SPHKAP: variants seen among roughly 807,000 people sequenced by gnomAD.
SPHKAP encodes the protein A-kinase anchor protein SPHKAP.
A neutral mutation model predicts 137.5 loss-of-function variants in SPHKAP; 67 were observed. The ratio of observed to expected loss-of-function variants is 0.49; its 90% CI spans 0.40 to 0.60. The LOEUF (loss-of-function observed/expected upper bound fraction) is 0.60, where lower values mean the gene tolerates loss of function less well. SPHKAP is among the 20% of genes least tolerant of loss of function. SPHKAP has a pLI of 0.00. For missense variants in SPHKAP, 2,097 were observed against 2,069.3 expected, an observed-to-expected ratio of 1.01 and a Z score of -0.26; for synonymous variants, 813 against 785.3, an observed-to-expected ratio of 1.04 and a Z score of -0.59.
At chr2:228,162,843 C>T (rs1432982407) in intron 1 of SPHKAP, among the ~76,000 whole-genome samples, 1 of 151,986 alleles carries the variant, frequency 6.6e-6, no homozygotes, top group Admixed American at 6.6e-5. Context: ...GGATTACAGG[C>T]ATGTGCCACC....
At chr2:228,027,738 C>T (rs187969979) in intron 3 of SPHKAP, among the ~76,000 whole-genome samples, 195 bp from the exon 4 acceptor site, 5 of 152,020 alleles carry the variant, frequency 3.3e-5, no homozygotes, top group East Asian at 1.9e-4. Context: ...GAGGCCAAGG[C>T]GGGCAGATCA....
intron 3 of SPHKAP, among the ~76,000 whole-genome samples, chr2:228,080,782 T>C (rs570081142): frequency 5.2e-5 from 6 of 114,650 alleles, no homozygotes; most frequent in South Asian, 3.0e-4. Context: ...TAAAATAAAA[T>C]AAAACCAAAC....
chr2:228,015,211 A>G (rs1694531269), intron 7 of SPHKAP, among the ~76,000 whole-genome samples: 1 of 151,728 alleles, frequency 6.6e-6, no homozygotes, highest in South Asian at 2.1e-4. Context: ...GAGAATGATG[A>G]TTTCCAATTT....
chr2:228,163,607 G>A (rs1463342302), intron 1 of SPHKAP, among the ~76,000 whole-genome samples: 1 of 152,102 alleles, frequency 6.6e-6, no homozygotes, highest in African/African-American at 2.4e-5. Flanking sequence ...GGTCAACATG[G>A]GTGTTTGCAG....
intron 2 of SPHKAP, among the ~76,000 whole-genome samples, chr2:228,115,118 C>T (rs1227038107): frequency 6.6e-6 from 1 of 152,070 alleles, no homozygotes; most frequent in Non-Finnish European, 1.5e-5. Flanking sequence ...ATAAGTATTC[C>T]TTATAGTTTG....
chr2:228,071,438 T>C (rs1697002598), intron 3 of SPHKAP, among the ~76,000 whole-genome samples: 1 of 152,256 alleles, frequency 6.6e-6, no homozygotes, highest in Non-Finnish European at 1.5e-5. Flanking sequence ...GCCAAGCCTC[T>C]GTCCCAAATT....
At chr2:228,072,231 T>TG (rs1240787920) in intron 3 of SPHKAP, among the ~76,000 whole-genome samples, 1 of 152,186 alleles carries the variant, frequency 6.6e-6, no homozygotes, top group African/African-American at 2.4e-5. Flanking sequence ...CTGGCTTTCC[T>TG]GGGTCTACAG....
Position 228,018,959 on chromosome 2 carries a change from G to A in SPHKAP, c.1895C>T (p.Thr632Ile). The stretch of plus-strand genomic sequence containing the variant: ...CAGAAAGTCTCCAATGCTGCTGTAG[G>A]TATTAGGCCTTGTTAAAACCAGAGC... ...EAALVLTRPN[T>I]YSSIGDFLDS... The change falls in exon 7 of 12, where the codon ACC (threonine) becomes ATC (isoleucine). Residue 632 changes from threonine to isoleucine, a missense_variant. By Grantham distance (89) the Thr-to-Ile change is moderately conservative. Coordinates refer to ENST00000392056, the MANE Select transcript of SPHKAP (RefSeq NM_001142644.2). 4 of 1,614,164 alleles carry A rather than the reference G, an allele frequency of 2.5e-6. No individual in the cohort carries two copies. The highest frequency in any genetic ancestry group is 1.7e-5 in the Admixed American group (1 of 60,018).
At chr2:228,067,729 C>T (rs537937527) in intron 3 of SPHKAP, among the ~76,000 whole-genome samples, 9 of 152,016 alleles carry the variant, frequency 5.9e-5, no homozygotes, top group African/African-American at 7.2e-5. Flanking sequence ...TGATCCAGGG[C>T]GTAATCAGAG....
chr2:228,164,341 T>C (rs1490811576), intron 1 of SPHKAP, among the ~76,000 whole-genome samples: 1 of 152,178 alleles, frequency 6.6e-6, no homozygotes, highest in Non-Finnish European at 1.5e-5. Context: ...AGCTTGCAGA[T>C]GTCCTATTGT....
At chr2:228,155,661 T>C (rs1435192470) in intron 1 of SPHKAP, among the ~76,000 whole-genome samples, 2 of 152,170 alleles carry the variant, frequency 1.3e-5, no homozygotes, top group Non-Finnish European at 2.9e-5. Flanking sequence ...CCTCATTAGA[T>C]GCCACTGAGA....
At chr2:228,084,734 A>T (rs1247825024) in intron 3 of SPHKAP, among the ~76,000 whole-genome samples, 1 of 152,220 alleles carries the variant, frequency 6.6e-6, no homozygotes, top group Non-Finnish European at 1.5e-5. Flanking sequence ...GCTTGAGTCC[A>T]GTGTGTTTTG....
intron 7 of SPHKAP, among the ~76,000 whole-genome samples, chr2:228,001,558 A>C (rs1206142409): frequency 6.8e-6 from 1 of 146,032 alleles, no homozygotes; most frequent in Non-Finnish European, 1.5e-5. Flanking sequence ...TATATATAAA[A>C]ATATATATAC....
chr2:228,027,301 G>C (rs1695080990), intron 4 of SPHKAP, among the ~76,000 whole-genome samples, 183 bp downstream of exon 4: 1 of 152,210 alleles, frequency 6.6e-6, no homozygotes, highest in African/African-American at 2.4e-5. Context: ...GGGAGAGCAA[G>C]TTTCACAAAT....
rs1699270919 is a variant in SPHKAP at position 228,132,031 on chromosome 2, G to A, written c.87C>T (p.Gly29=). ...CCGGGCCGCTTCCTGAGCTGCCACAGCCTCTGCCCTGCTGCGGTTCCAAAA... is the reference window on the plus strand; with the variant it reads ...CCGGGCCGCTTCCTGAGCTGCCACAACCTCTGCCCTGCTGCGGTTCCAAAA... ...YDVLEPQQGR[G]CGSSGSGPGN... The change falls in exon 2 of 12, where the codon GGC becomes GGT. Residue 29 remains glycine, a synonymous_variant. Coordinates refer to ENST00000392056, the MANE Select transcript of SPHKAP (RefSeq NM_001142644.2). The A allele has an allele frequency of 6.2e-7, 1 of 1,614,072 alleles. No individual in the cohort carries two copies. The highest frequency in any genetic ancestry group is 8.5e-7 in the Non-Finnish European group (1 of 1,179,974).
intron 2 of SPHKAP, chr2:228,109,343 T>C (rs778916702): frequency 3.2e-5 from 31 of 983,086 alleles, no homozygotes; most frequent in Non-Finnish European, 3.5e-5. Flanking sequence ...GGGTTTTTCA[T>C]TGATGGAATA....
At chr2:228,063,568 T>G (rs970920957) in intron 3 of SPHKAP, among the ~76,000 whole-genome samples, 3 of 152,196 alleles carry the variant, frequency 2.0e-5, no homozygotes, top group African/African-American at 7.2e-5. Flanking sequence ...TAAAAAGTTG[T>G]AACTGGACAA....
In SPHKAP at chr2:228,139,910, T is replaced by TTTTCTTTCTTTCTTTCTTTC. The variant is rs368274825; in HGVS notation, c.33-7845_33-7826dup. 5.9e-3 allele frequency among the ~76,000 whole-genome samples: 806 copies of TTTTCTTTCTTTCTTTCTTTC among 137,622 alleles called. 23 individuals carry two copies. Among genetic ancestry groups the TTTTCTTTCTTTCTTTCTTTC allele is most frequent in the Non-Finnish European group, 8.0e-3 (503 of 62,824 alleles). The allele number at this position is 137,622 out of a possible 152,430, so 90.3% of individuals were successfully genotyped here. A position where few individuals can be genotyped will look rare whatever the true frequency, so the allele number is the denominator to read the frequency against. ...CTAGAGTTCTTTATTTCTTTATTTA[T>TTTTCTTTCTTTCTTTCTTTC]TTTCTTTCTTTCTTTCTTTCTTTCT... is the stretch of plus-strand genomic sequence containing the variant. On this transcript the variant is annotated intron_variant, in intron 1 of 11. Coordinates refer to ENST00000392056, the MANE Select transcript of SPHKAP (RefSeq NM_001142644.2).
chr2:228,044,864 T>TA (rs1421770021), intron 3 of SPHKAP, among the ~76,000 whole-genome samples: 2 of 152,180 alleles, frequency 1.3e-5, no homozygotes, highest in African/African-American at 4.8e-5. Context: ...AAAGGGCTAA[T>TA]ATCCAAAATC....
Sources: allele counts gnomAD v4.1 joint callset (sites outside exome capture counted in the v4.1 genomes callset), GRCh38; gene constraint gnomAD v4.1.1; transcripts MANE v1.5; gene names NCBI Gene and HGNC (gene_info 2026-07-23, HGNC 2026-07-21).